Variants in CYP39A1 observed in about 807,000 individuals in gnomAD.
CYP39A1 encodes 24-hydroxycholesterol 7-alpha-hydroxylase.
CYP39A1 carries 49 observed loss-of-function variants against 58.1 expected under a neutral mutation model. The observed-to-expected ratio is 0.84, with a 90% CI of 0.67 to 1.07. The LOEUF (loss-of-function observed/expected upper bound fraction) is 1.07. CYP39A1 is among the 50% of genes least tolerant of loss of function. The probability of loss-of-function intolerance (pLI) is 0.00; values close to 1 mark genes in which losing one functional copy is unlikely to be tolerated. For synonymous variants in CYP39A1, 209 were observed against 187.6 expected (o/e 1.11, Z -0.93); for missense variants, 531 against 539.4 (o/e 0.98, Z 0.16).
In CYP39A1 at chr6:46,639,674, A is replaced by G; in HGVS notation, c.314-6T>C. On this transcript the variant is annotated splice_region_variant and splice_polypyrimidine_tract_variant and intron_variant, in intron 2 of 11. Coordinates refer to ENST00000275016, the MANE Select transcript of CYP39A1 (RefSeq NM_016593.5). ...GACATTCTTTGGAATTGATGCTATG[A>G]ACAAAGAAAACTATTTTCAAAATAA... 1 of 1,604,804 alleles carries G rather than the reference A, an allele frequency of 6.2e-7. No homozygotes were observed. The highest frequency in any genetic ancestry group is 8.5e-7 in the Non-Finnish European group (1 of 1,174,852).
intron 10 of CYP39A1, among the ~76,000 whole-genome samples, chr6:46,577,171 A>G (rs1771887430): frequency 6.6e-6 from 1 of 152,230 alleles, no homozygotes; most frequent in Non-Finnish European, 1.5e-5. Context: ...CTTCATAGCC[A>G]ACAAAACTAA....
chr6:46,626,757 T>A (rs1246567415), intron 6 of CYP39A1, among the ~76,000 whole-genome samples: 1 of 152,200 alleles, frequency 6.6e-6, no homozygotes, highest in Non-Finnish European at 1.5e-5. Context: ...AGAACTATCT[T>A]GTCCTGTCTC....
At chr6:46,610,798 G>A (rs1412245565) in intron 7 of CYP39A1, among the ~76,000 whole-genome samples, 2 of 152,126 alleles carry the variant, frequency 1.3e-5, no homozygotes, top group African/African-American at 4.8e-5. Context: ...ATCCAGGAAG[G>A]TGATATGCCT....
chr6:46,625,195 T>C (rs1775235994), intron 7 of CYP39A1, among the ~76,000 whole-genome samples: 1 of 152,176 alleles, frequency 6.6e-6, no homozygotes, highest in African/African-American at 2.4e-5. Flanking sequence ...TCTATAGCAC[T>C]GATTTCATCA....
At chr6:46,594,477 A>G (rs555074389) in intron 8 of CYP39A1, among the ~76,000 whole-genome samples, 4 of 152,226 alleles carry the variant, frequency 2.6e-5, no homozygotes, top group Admixed American at 2.6e-4. Context: ...GATCAATAGA[A>G]CAGAATAGAC....
chr6:46,623,851 C>T (rs948972786), intron 7 of CYP39A1, among the ~76,000 whole-genome samples: 4 of 151,974 alleles, frequency 2.6e-5, no homozygotes, highest in East Asian at 1.9e-4. Flanking sequence ...TATTGAATAG[C>T]TTCTGTATAA....
At chr6:46,593,720 A>G (rs1017945881) in intron 8 of CYP39A1, among the ~76,000 whole-genome samples, 6 of 152,172 alleles carry the variant, frequency 3.9e-5, no homozygotes, top group African/African-American at 1.4e-4. Context: ...AGGACTGATT[A>G]AATGTGATCC....
intron 10 of CYP39A1, 98 bp downstream of exon 10, chr6:46,586,979 A>AAT (rs754599036): frequency 2.2e-5 from 17 of 769,480 alleles, no homozygotes; most frequent in African/African-American, 3.5e-5. Flanking sequence ...CTATAGTTTA[A>AAT]ATATATATAT....
At chr6:46,609,875 G>A (rs536412784) in intron 7 of CYP39A1, among the ~76,000 whole-genome samples, 5 of 152,214 alleles carry the variant, frequency 3.3e-5, no homozygotes, top group Admixed American at 1.3e-4. Context: ...AATTGCACAC[G>A]TTTATTATTA....
intron 10 of CYP39A1, among the ~76,000 whole-genome samples, chr6:46,576,976 C>A (rs1454058132): frequency 6.6e-6 from 1 of 152,046 alleles, no homozygotes; most frequent in African/African-American, 2.4e-5. Context: ...TTGACATGCT[C>A]ATAAGATTCT....
At chr6:46,565,820 T>G (rs947878807) in intron 10 of CYP39A1, among the ~76,000 whole-genome samples, 5 of 152,184 alleles carry the variant, frequency 3.3e-5, no homozygotes, top group Admixed American at 3.3e-4. Flanking sequence ...CACCTCATTG[T>G]TAAGATCCAA....
intron 7 of CYP39A1, among the ~76,000 whole-genome samples, chr6:46,596,839 T>C (rs2150525379): frequency 6.6e-6 from 1 of 152,286 alleles, no homozygotes; most frequent in South Asian, 2.1e-4. Flanking sequence ...GTTAACAATA[T>C]TTCAAGTAAA....
chr6:46,595,954 G>A, intron 8 of CYP39A1, 33 bp downstream of exon 8: 1 of 1,592,024 alleles, frequency 6.3e-7, no homozygotes, highest in Non-Finnish European at 8.5e-7. Flanking sequence ...TTTTGTAGAA[G>A]GTTGATTCAT....
At chr6:46,555,767 G>T (rs1467066698) in intron 10 of CYP39A1, among the ~76,000 whole-genome samples, 2 of 152,148 alleles carry the variant, frequency 1.3e-5, no homozygotes, top group African/African-American at 4.8e-5. Context: ...CAAATAATTA[G>T]ATTTTTCTGC....
At chr6:46,591,240 T>C (rs1358651879) in intron 8 of CYP39A1, among the ~76,000 whole-genome samples, 1 of 152,178 alleles carries the variant, frequency 6.6e-6, no homozygotes, top group Non-Finnish European at 1.5e-5. Context: ...CCATTTATTT[T>C]ATCCTATAAA....
intron 10 of CYP39A1, among the ~76,000 whole-genome samples, chr6:46,558,412 A>T (rs1390027480): frequency 6.6e-6 from 1 of 152,104 alleles, no homozygotes; most frequent in Non-Finnish European, 1.5e-5. Flanking sequence ...CAAAGGGGGA[A>T]GTGCCACACA....
intron 7 of CYP39A1, among the ~76,000 whole-genome samples, chr6:46,611,797 A>G (rs1159383932): frequency 1.3e-5 from 2 of 152,144 alleles, no homozygotes; most frequent in East Asian, 3.9e-4. Flanking sequence ...ATCTAGAAAT[A>G]CCCTTATGTA....
At chr6:46,564,123 TTATTCTATTTTATTC>T (rs1334734766) in intron 10 of CYP39A1, among the ~76,000 whole-genome samples, 6 of 118,152 alleles carry the variant, frequency 5.1e-5, no homozygotes, top group Non-Finnish European at 9.2e-5. Flanking sequence ...TTATTCTATT[TTATTCTATTTTATTC>T]TATTCTATTT....
chr6:46,584,870 G>A (rs761226924), intron 10 of CYP39A1, among the ~76,000 whole-genome samples: 21 of 152,108 alleles, frequency 1.4e-4, no homozygotes, highest in Non-Finnish European at 2.4e-4. Flanking sequence ...TCAGTGTGAC[G>A]CTTTGGCATC....
Sources: gnomAD v4.1 joint callset for allele counts (sites outside exome capture counted in the v4.1 genomes callset) on GRCh38, gnomAD v4.1.1 for gene constraint, MANE v1.5 for transcripts, NCBI Gene and HGNC (gene_info 2026-07-23, HGNC 2026-07-21) for gene names.